The following TSPAN5 variants were observed in gnomAD, a reference collection of about 807,000 sequenced individuals.
TSPAN5 encodes the protein tetraspanin-5.
In TSPAN5, 10 loss-of-function variants were observed where a neutral mutation model predicts 37.1. The ratio of observed to expected loss-of-function variants is 0.27; its 90% confidence interval spans 0.17 to 0.46. The LOEUF (loss-of-function observed/expected upper bound fraction) is 0.46, where lower values mean the gene tolerates loss of function less well. Among genes scored for constraint, TSPAN5 ranks in the 20% least tolerant of loss-of-function variants. TSPAN5 has a pLI of 1.00. For missense variants in TSPAN5, 195 were observed against 326.6 expected, an observed-to-expected ratio of 0.60 and a Z score of 3.11; for synonymous variants, 110 against 118.9, an observed-to-expected ratio of 0.93 and a Z score of 0.48.
chr4:98,494,206 G>A (rs1329852845), intron 2 of TSPAN5, among the ~76,000 whole-genome samples: 1 of 152,124 alleles, frequency 6.6e-6, no homozygotes, highest in Non-Finnish European at 1.5e-5. Context: ...CTGCTCTAGA[G>A]TGGGGCAGAG....
At chr4:98,473,591 C>G (rs1243242770) in intron 7 of TSPAN5, among the ~76,000 whole-genome samples, 2 of 151,932 alleles carry the variant, frequency 1.3e-5, no homozygotes, top group African/African-American at 4.8e-5. Flanking sequence ...TCCCGAGTAG[C>G]TGGGACTACA....
intron 1 of TSPAN5, among the ~76,000 whole-genome samples, chr4:98,647,372 A>G (rs1757090121): frequency 6.6e-6 from 1 of 152,190 alleles, no homozygotes; most frequent in Admixed American, 6.5e-5. Context: ...TTTTTGTTGG[A>G]AGCACAACAT....
Position 98,587,006 on chromosome 4 carries a change from G to A in TSPAN5, c.81+71140C>T, listed in dbSNP as rs190388581. On this transcript the variant is annotated intron_variant, in intron 1 of 7. Transcript: ENST00000305798. ...AGGCAGGGAATTGAATGCACCGGCA[G>A]TTGGGAGGCAGGGTGGGGCAAAAGC... Among the ~76,000 whole-genome samples, 633 of 152,346 alleles carry A rather than the reference G, an allele frequency of 4.2e-3. 5 individuals carry two copies. The highest frequency in any genetic ancestry group is 0.01 in the Middle Eastern group (3 of 294).
At chr4:98,472,853 C>A (rs1752618505) in intron 7 of TSPAN5, among the ~76,000 whole-genome samples, 1 of 152,176 alleles carries the variant, frequency 6.6e-6, no homozygotes, top group Non-Finnish European at 1.5e-5. Context: ...ATCCCACCAT[C>A]CCTACAGACC....
intron 1 of TSPAN5, among the ~76,000 whole-genome samples, chr4:98,561,981 A>G (rs1211462926): frequency 6.6e-6 from 1 of 152,220 alleles, no homozygotes; most frequent in Non-Finnish European, 1.5e-5. Flanking sequence ...ATGGCAGCTC[A>G]CAGAACTGCG....
At chr4:98,497,319 A>C in intron 2 of TSPAN5, among the ~76,000 whole-genome samples, 1 of 117,030 alleles carries the variant, frequency 8.5e-6, no homozygotes. Flanking sequence ...TCCATCTCAA[A>C]AAAAAAAAAA....
intron 1 of TSPAN5, among the ~76,000 whole-genome samples, chr4:98,570,428 T>C (rs1011495475): frequency 3.3e-5 from 5 of 152,232 alleles, no homozygotes; most frequent in African/African-American, 4.8e-5. Flanking sequence ...AGTTTCATCA[T>C]CTGGCACAAA....
At chr4:98,589,326 C>A (rs1246448921) in intron 1 of TSPAN5, among the ~76,000 whole-genome samples, 2 of 152,130 alleles carry the variant, frequency 1.3e-5, no homozygotes, top group African/African-American at 4.8e-5. Context: ...GAACTAAGAA[C>A]AATCCTGGTC....
intron 1 of TSPAN5, among the ~76,000 whole-genome samples, chr4:98,629,213 G>A (rs1161428450): frequency 3.9e-5 from 6 of 152,182 alleles, no homozygotes; most frequent in Non-Finnish European, 8.8e-5. Context: ...TCTTTGAGTT[G>A]TACTGTGTAT....
intron 1 of TSPAN5, among the ~76,000 whole-genome samples, chr4:98,590,893 T>C (rs190886722): frequency 2.0e-5 from 3 of 152,098 alleles, no homozygotes; most frequent in Admixed American, 6.5e-5. Flanking sequence ...TAACCATCCA[T>C]CCACACAGGA....
intron 1 of TSPAN5, among the ~76,000 whole-genome samples, chr4:98,637,735 C>T (rs953850748): frequency 6.6e-6 from 1 of 152,156 alleles, no homozygotes; most frequent in Non-Finnish European, 1.5e-5. Flanking sequence ...ACAAATGTCC[C>T]CACTTGGCTT....
chr4:98,524,439 A>T (rs1177946320), intron 1 of TSPAN5, among the ~76,000 whole-genome samples: 1 of 152,204 alleles, frequency 6.6e-6, no homozygotes, highest in African/African-American at 2.4e-5. Context: ...CAATATGATT[A>T]GTAAATGAGG....
intron 5 of TSPAN5, among the ~76,000 whole-genome samples, chr4:98,478,472 G>T (rs745595335): frequency 2.6e-5 from 4 of 152,170 alleles, no homozygotes; most frequent in African/African-American, 7.2e-5. Context: ...CACACATAAA[G>T]GCTTAGAATA....
At chr4:98,512,132 G>C (rs138261859) in intron 1 of TSPAN5, among the ~76,000 whole-genome samples, 8 of 151,792 alleles carry the variant, frequency 5.3e-5, no homozygotes, top group Non-Finnish European at 1.0e-4. Context: ...AGAATCGCTT[G>C]AACCTGGGAG....
chr4:98,497,725 C>A (rs1753247147), intron 2 of TSPAN5, among the ~76,000 whole-genome samples: 3 of 151,932 alleles, frequency 2.0e-5, no homozygotes, highest in Non-Finnish European at 4.4e-5. Context: ...TTATTTCTAG[C>A]AAAACATCCA....
intron 1 of TSPAN5, among the ~76,000 whole-genome samples, chr4:98,559,738 C>G (rs1754837264): frequency 6.6e-6 from 1 of 152,102 alleles, no homozygotes; most frequent in Non-Finnish European, 1.5e-5. Flanking sequence ...TATCTTCAGA[C>G]AGAGTCTCAA....
intron 1 of TSPAN5, among the ~76,000 whole-genome samples, chr4:98,515,431 A>T (rs1016705763): frequency 1.3e-5 from 2 of 152,064 alleles, no homozygotes; most frequent in African/African-American, 4.8e-5. Context: ...CCTGCCATCT[A>T]CAACTGGTCA....
At position 98,471,451 on chromosome 4, in the gene TSPAN5, G is replaced by A. The variant is rs1752581724; in HGVS notation, c.*1071C>T. The A allele has an allele frequency of 6.6e-6, 1 of 152,138 alleles. No individual in the cohort carries two copies. Among genetic ancestry groups the A allele is most frequent in the Admixed American group, 6.5e-5 (1 of 15,276 alleles). 9.4% of individuals were successfully genotyped at this position (152,138 alleles called of 1,614,324 possible). Reference sequence around the variant, plus strand: ...GGGAGGACATGCCACAACCTCCCAAGGCTGTGAACCTAGGAAATAAGTGCT... The same window carrying A: ...GGGAGGACATGCCACAACCTCCCAAAGCTGTGAACCTAGGAAATAAGTGCT... On this transcript the variant is annotated 3_prime_UTR_variant, in exon 8 of 8. Transcript: ENST00000305798.
At chr4:98,638,178 T>C (rs1213318304) in intron 1 of TSPAN5, among the ~76,000 whole-genome samples, 1 of 152,176 alleles carries the variant, frequency 6.6e-6, no homozygotes, top group African/African-American at 2.4e-5. Flanking sequence ...CCTGCCACCA[T>C]AACACTGGAC....
Sources: gnomAD v4.1 joint callset for allele counts (sites outside exome capture counted in the v4.1 genomes callset) on GRCh38, gnomAD v4.1.1 for gene constraint, MANE v1.5 for transcripts, NCBI Gene and HGNC (gene_info 2026-07-23, HGNC 2026-07-21) for gene names.